Variants in IL3RA observed in about 807,000 individuals in gnomAD.
IL3RA encodes interleukin 3 receptor subunit alpha, also known as interleukin-3 receptor subunit alpha.
A neutral mutation model predicts 52.3 loss-of-function variants in IL3RA; 73 were observed. That is an observed-to-expected ratio of 1.40 (90% confidence interval 1.16 to 1.70). The LOEUF is 1.70. IL3RA is among the 40% of genes most tolerant of loss of function. IL3RA has a pLI of 0.00. For synonymous variants in IL3RA, 260 were observed against 194.0 expected (o/e 1.34, Z -2.83); for missense variants, 664 against 504.4 (o/e 1.32, Z -3.03).
intron 1 of IL3RA, among the ~76,000 whole-genome samples, chrX:1,339,018 T>G (rs2085394919): frequency 6.6e-6 from 1 of 152,178 alleles, no homozygotes. Context: ...AGTAGAGATT[T>G]TGTATGTTTA....
chrX:1,347,167 C>A (rs1262602222), intron 3 of IL3RA, among the ~76,000 whole-genome samples: 1 of 151,542 alleles, frequency 6.6e-6, no homozygotes, highest in Non-Finnish European at 1.5e-5. Flanking sequence ...CACAAGTAGG[C>A]CGGGCGTGGT....
At chrX:1,348,290 C>CT (rs374942752) in intron 3 of IL3RA, 141 bp from the exon 4 acceptor site, 34 of 692,712 alleles carry the variant, frequency 4.9e-5, no homozygotes, top group Admixed American at 1.3e-4. Flanking sequence ...GAGGGAGAGG[C>CT]TGCAGTGAGC....
chrX:1,368,402 T>A (rs1437735836), intron 9 of IL3RA, among the ~76,000 whole-genome samples: 1 of 151,514 alleles, frequency 6.6e-6, no homozygotes, highest in African/African-American at 2.4e-5. Context: ...CTGACCAACA[T>A]GGAAAAACCC....
At chrX:1,381,650 T>C (rs2089182704) in intron 11 of IL3RA, among the ~76,000 whole-genome samples, 1 of 151,536 alleles carries the variant, frequency 6.6e-6, no homozygotes, top group South Asian at 2.1e-4. Flanking sequence ...GTTCAAGCGA[T>C]TGTCCTGCCT....
At chrX:1,382,345 T>G in intron 11 of IL3RA, 46 bp from the exon 12 acceptor site, 1 of 1,377,092 alleles carries the variant, frequency 7.3e-7, no homozygotes, top group Non-Finnish European at 9.8e-7. Context: ...TGGGCTCTGT[T>G]ATCTGGGGGG....
In IL3RA at chrX:1,345,390, G is replaced by A. The variant is rs1316558375; in HGVS notation, c.139G>A (p.Val47Met). The A allele has an allele frequency of 5.6e-6, 9 of 1,610,640 alleles. No individual in the cohort carries two copies. Among genetic ancestry groups the A allele is most frequent in the Non-Finnish European group, 5.1e-6 (6 of 1,177,944 alleles). ...GTTGACCTGGGACCTTAACAGAAAT[G>A]TGACCGATATCGAGTGTGTTAAAGA... ...QQLTWDLNRNVTDIECVKDAD... is the reference protein window; with the variant it reads ...QQLTWDLNRNMTDIECVKDAD... The change falls in exon 3 of 12, where the codon GTG (valine) becomes ATG (methionine). Residue 47 changes from valine to methionine, a missense_variant. Transcript: ENST00000331035.
intron 7 of IL3RA, among the ~76,000 whole-genome samples, chrX:1,357,456 G>A (rs1202808496): frequency 6.6e-6 from 1 of 151,826 alleles, no homozygotes. Flanking sequence ...CGCCTCTCGG[G>A]TTCAACCAAT....
intron 4 of IL3RA, among the ~76,000 whole-genome samples, chrX:1,349,060 C>A (rs1244909991): frequency 6.6e-6 from 1 of 150,736 alleles, no homozygotes; most frequent in Non-Finnish European, 1.5e-5. Context: ...CAGGCTGGAG[C>A]GCAGTGGTGC....
chrX:1,358,342 A>G (rs1473347485), intron 7 of IL3RA, among the ~76,000 whole-genome samples: 3 of 151,982 alleles, frequency 2.0e-5, no homozygotes, highest in African/African-American at 4.8e-5. Context: ...CCCTCCCACC[A>G]AGGTCTTGCC....
At chrX:1,360,057 A>G (rs7391287) in intron 8 of IL3RA, among the ~76,000 whole-genome samples, 73,628 of 117,492 alleles carry the variant, frequency 0.63, 22,907 homozygotes, top group Middle Eastern at 0.73. Context: ...CTGTCTCTGT[A>G]TCTCTCTCCC....
At chrX:1,351,322 A>G (rs2086072503) in intron 4 of IL3RA, among the ~76,000 whole-genome samples, 1 of 126,606 alleles carries the variant, frequency 7.9e-6, no homozygotes, top group Admixed American at 8.3e-5. Flanking sequence ...TCTAAAAAGG[A>G]ATTAGAGTTT....
At position 1,365,224 on chromosome X, in the gene IL3RA, G is replaced by C. The variant is rs147498616; in HGVS notation, c.846G>C (p.Leu282Phe). 4 of 1,611,014 alleles carry C rather than the reference G, an allele frequency of 2.5e-6. No individual in the cohort carries two copies. The highest frequency in any genetic ancestry group is 1.1e-5 in the South Asian group (1 of 91,062). Reference sequence around the variant, plus strand: ...CCCGGGAAAGAGTGTATGAATTCTTGAGCGCCTGGAGCACCCCCCAGCGCT... The same window carrying C: ...CCCGGGAAAGAGTGTATGAATTCTTCAGCGCCTGGAGCACCCCCCAGCGCT... Reference protein sequence around the residue: ...IRARERVYEFLSAWSTPQRFE... With the variant: ...IRARERVYEFFSAWSTPQRFE... Residue 282 changes from leucine (L) to phenylalanine (F), a missense_variant, in exon 9 of 12, where the codon TTG becomes TTC. Physicochemically the swap from Leu to Phe is conservative, Grantham distance 22. Coordinates refer to ENST00000331035, the MANE Select transcript of IL3RA (RefSeq NM_002183.4).
chrX:1,343,111 A>AT (rs1186678882), intron 2 of IL3RA, among the ~76,000 whole-genome samples: 1 of 151,708 alleles, frequency 6.6e-6, no homozygotes. Flanking sequence ...TCTTATAAGA[A>AT]TTTTTTTCCC....
intron 10 of IL3RA, among the ~76,000 whole-genome samples, chrX:1,380,660 GT>G (rs1227862642): frequency 3.8e-4 from 35 of 91,380 alleles, no homozygotes; most frequent in South Asian, 5.7e-4. Context: ...AGAGGGAGGG[GT>G]AGGGGGGAAG....
intron 9 of IL3RA, among the ~76,000 whole-genome samples, chrX:1,366,371 G>A (rs2088036660): frequency 2.9e-5 from 1 of 34,704 alleles, no homozygotes; most frequent in Admixed American, 2.5e-4. Flanking sequence ...CGGGGTGCGC[G>A]GGGTGAGCCG....
chrX:1,339,120 G>A (rs1321598586), intron 1 of IL3RA, among the ~76,000 whole-genome samples: 4 of 151,892 alleles, frequency 2.6e-5, no homozygotes, highest in Non-Finnish European at 4.4e-5. Context: ...GATTATAGGC[G>A]TGAGCCACCG....
At chrX:1,359,704 A>C (rs1296175706) in intron 8 of IL3RA, among the ~76,000 whole-genome samples, 1,044 of 79,116 alleles carry the variant, frequency 0.013, no homozygotes, top group Middle Eastern at 0.029. Flanking sequence ...TTCTCCCTCC[A>C]TCTCTCTCTC....
intron 9 of IL3RA, among the ~76,000 whole-genome samples, chrX:1,368,483 G>C (rs1411539217): frequency 6.6e-6 from 1 of 152,146 alleles, no homozygotes; most frequent in East Asian, 1.9e-4. Context: ...CTACCAGGGA[G>C]GCTGAGGCAG....
intron 6 of IL3RA, 70 bp downstream of exon 6, chrX:1,352,576 C>T: frequency 6.7e-7 from 1 of 1,484,614 alleles, no homozygotes; most frequent in South Asian, 1.2e-5. Flanking sequence ...CAGGCCAGAT[C>T]CCACGGGACC....
Sources: gnomAD v4.1 joint callset for allele counts (sites outside exome capture counted in the v4.1 genomes callset) on GRCh38, gnomAD v4.1.1 for gene constraint, MANE v1.5 for transcripts, NCBI Gene and HGNC (gene_info 2026-07-23, HGNC 2026-07-21) for gene names.